Variants in PROS1 observed in about 807,000 individuals in gnomAD.
The protein encoded by PROS1 is vitamin K-dependent protein S.
Under a neutral mutation model 75.9 loss-of-function variants are expected in PROS1, and 29 were observed. The observed-to-expected ratio is 0.38, with a 90% CI of 0.28 to 0.52. The LOEUF (loss-of-function observed/expected upper bound fraction) is 0.52, where lower values mean the gene tolerates loss of function less well. Among genes scored for constraint, PROS1 ranks in the 20% least tolerant of loss-of-function variants. The pLI, the probability that PROS1 is intolerant of heterozygous loss-of-function variation, is 0.83. For missense variants in PROS1, 680 were observed against 810.3 expected, an observed-to-expected ratio of 0.84 and a Z score of 1.95; for synonymous variants, 245 against 280.6, an observed-to-expected ratio of 0.87 and a Z score of 1.27.
chr3:93,876,319 C>T (rs1708186162), intron 14 of PROS1, among the ~76,000 whole-genome samples: 1 of 152,056 alleles, frequency 6.6e-6, no homozygotes, highest in South Asian at 2.1e-4. Flanking sequence ...ACTATTGTCA[C>T]TGCTCACGCC....
At chr3:93,884,384 A>G (rs1355749099) in intron 12 of PROS1, among the ~76,000 whole-genome samples, 2 of 152,220 alleles carry the variant, frequency 1.3e-5, no homozygotes, top group Non-Finnish European at 2.9e-5. Context: ...TCAAATAGAA[A>G]TGCTAGAAAT....
intron 11 of PROS1, among the ~76,000 whole-genome samples, chr3:93,885,556 G>T (rs1406658088): frequency 6.6e-6 from 1 of 152,034 alleles, no homozygotes; most frequent in Non-Finnish European, 1.5e-5. Context: ...TTATAATATG[G>T]GTTTGTCTTG....
chr3:93,965,436 G>T (rs192753609), intron 1 of PROS1, among the ~76,000 whole-genome samples: 1 of 152,302 alleles, frequency 6.6e-6, no homozygotes, highest in African/African-American at 2.4e-5. Context: ...GCCCGGGTTT[G>T]TCCTAATCGA....
chr3:93,898,944 A>G (rs1251833453), intron 7 of PROS1, among the ~76,000 whole-genome samples: 1 of 152,062 alleles, frequency 6.6e-6, no homozygotes, highest in South Asian at 2.1e-4. Flanking sequence ...ATTGCTTTGA[A>G]AAAAAGAAAA....
At chr3:93,884,670 G>T in intron 12 of PROS1, 58 bp downstream of exon 12, 2 of 1,489,744 alleles carry the variant, frequency 1.3e-6, no homozygotes, top group Non-Finnish European at 1.9e-6. Flanking sequence ...ATTACTGTTT[G>T]TTAATGAATA....
chr3:93,971,376 TAAATAAATA>T (rs1454447519), intron 1 of PROS1, among the ~76,000 whole-genome samples: 1 of 146,890 alleles, frequency 6.8e-6, no homozygotes, highest in Non-Finnish European at 1.5e-5. Context: ...AATAAATAAA[TAAATAAATA>T]AATAAATAAA....
chr3:93,946,298 GA>G, intron 1 of PROS1, among the ~76,000 whole-genome samples: 1 of 152,172 alleles, frequency 6.6e-6, no homozygotes, highest in South Asian at 2.1e-4. Context: ...AGAATCAGAA[GA>G]AACTATTTTG....
chr3:93,950,785 C>T (rs566157523), intron 1 of PROS1, among the ~76,000 whole-genome samples: 2 of 152,284 alleles, frequency 1.3e-5, no homozygotes, highest in East Asian at 1.9e-4. Flanking sequence ...CTCTTCTCCT[C>T]CAAAGGAATG....
intron 9 of PROS1, among the ~76,000 whole-genome samples, chr3:93,895,719 AT>A (rs1422120011): frequency 6.6e-6 from 1 of 152,148 alleles, no homozygotes; most frequent in Non-Finnish European, 1.5e-5. Context: ...CTGAAGTACA[AT>A]TATGGCAGAT....
At chr3:93,882,866 G>A (rs931242867) in intron 12 of PROS1, among the ~76,000 whole-genome samples, 3 of 152,096 alleles carry the variant, frequency 2.0e-5, no homozygotes, top group East Asian at 1.9e-4. Flanking sequence ...GATCCTTCTC[G>A]GTCTCCTCTA....
intron 1 of PROS1, among the ~76,000 whole-genome samples, chr3:93,954,151 CA>C (rs1178270931): frequency 6.6e-6 from 1 of 152,110 alleles, no homozygotes; most frequent in Non-Finnish European, 1.5e-5. Flanking sequence ...CCATACTGCC[CA>C]AGGTAATTTA....
chr3:93,973,836 G>T lies in PROS1; in HGVS notation c.-87C>A. On this transcript the variant is annotated 5_prime_UTR_variant, in exon 1 of 15. Coordinates refer to ENST00000394236, the MANE Select transcript of PROS1 (RefSeq NM_000313.4). ...AGGCGCCGCGGAGCTGCGAGCCTGT[G>T]CGCCTCGGTCTGAGCCGTGCTGCGC... 8.2e-7 allele frequency: 1 copy of T among 1,226,208 alleles called. No individual in the cohort carries two copies. Among genetic ancestry groups the T allele is most frequent in the Non-Finnish European group, 1.1e-6 (1 of 884,300 alleles). The allele number at this position is 1,226,208 out of a possible 1,614,324, so 76.0% of individuals were successfully genotyped here.
At chr3:93,933,796 G>C (rs1203446449) in intron 1 of PROS1, among the ~76,000 whole-genome samples, 1 of 151,760 alleles carries the variant, frequency 6.6e-6, no homozygotes, top group Non-Finnish European at 1.5e-5. Flanking sequence ...AGATCACGAG[G>C]TCAGGAGTTT....
chr3:93,915,193 A>T (rs1708823388), intron 3 of PROS1, among the ~76,000 whole-genome samples: 1 of 152,188 alleles, frequency 6.6e-6, no homozygotes, highest in African/African-American at 2.4e-5. Context: ...AAGGCTGGGC[A>T]CGGTAGCTCA....
intron 3 of PROS1, among the ~76,000 whole-genome samples, chr3:93,914,654 C>T (rs952806789): frequency 6.6e-6 from 1 of 152,100 alleles, no homozygotes; most frequent in Non-Finnish European, 1.5e-5. Context: ...CAGCACCTGG[C>T]TCCTTTTATT....
chr3:93,891,514 G>A (rs1474035564), intron 10 of PROS1, among the ~76,000 whole-genome samples: 3 of 151,896 alleles, frequency 2.0e-5, no homozygotes, highest in Admixed American at 6.6e-5. Context: ...TGCAACCTCC[G>A]CCTCCTGGGT....
At chr3:93,924,180 G>C (rs1708984059) in intron 3 of PROS1, 60 bp downstream of exon 3, 4 of 1,166,944 alleles carry the variant, frequency 3.4e-6, no homozygotes, top group Non-Finnish European at 4.6e-6. Context: ...AGTTAGACAG[G>C]AACATATCTA....
At chr3:93,890,030 C>A (rs1708408642) in intron 10 of PROS1, among the ~76,000 whole-genome samples, 2 of 152,076 alleles carry the variant, frequency 1.3e-5, no homozygotes, top group Admixed American at 1.3e-4. Context: ...CTTTTCCTAG[C>A]AAAGAATATT....
chr3:93,882,876 A>G (rs1206840408), intron 12 of PROS1, among the ~76,000 whole-genome samples: 2 of 152,186 alleles, frequency 1.3e-5, no homozygotes, highest in Non-Finnish European at 2.9e-5. Context: ...GGTCTCCTCT[A>G]CACAACACAA....
Sources: gnomAD v4.1 joint callset for allele counts (sites outside exome capture counted in the v4.1 genomes callset) on GRCh38, gnomAD v4.1.1 for gene constraint, MANE v1.5 for transcripts, NCBI Gene and HGNC (gene_info 2026-07-23, HGNC 2026-07-21) for gene names.